KCNH8: variants seen among roughly 807,000 people sequenced by gnomAD.
The protein encoded by KCNH8 is potassium voltage-gated channel subfamily H member 8.
In KCNH8, 70 loss-of-function variants were observed where a neutral mutation model predicts 103.6. That is an observed-to-expected ratio of 0.68 (90% confidence interval 0.56 to 0.82). KCNH8 has a LOEUF of 0.82. KCNH8 is among the 40% of genes least tolerant of loss of function. KCNH8 has a pLI of 0.00. For synonymous variants in KCNH8, 498 were observed against 489.4 expected (o/e 1.02, Z -0.23); for missense variants, 1,217 against 1,329.9 (o/e 0.92, Z 1.32).
At chr3:19,356,499 G>A (rs2125326268) in intron 5 of KCNH8, among the ~76,000 whole-genome samples, 1 of 152,088 alleles carries the variant, frequency 6.6e-6, no homozygotes, top group African/African-American at 2.4e-5. Context: ...AAATTCTTTT[G>A]TAAGCCACAT....
At chr3:19,438,102 C>A in intron 7 of KCNH8, 62 bp from the exon 8 acceptor site, 2 of 1,254,132 alleles carry the variant, frequency 1.6e-6, no homozygotes, top group South Asian at 1.2e-5. Flanking sequence ...TCATTACTCC[C>A]ATGTGTTAAT....
intron 1 of KCNH8, among the ~76,000 whole-genome samples, chr3:19,237,684 G>A (rs1427325606): frequency 6.6e-6 from 1 of 152,096 alleles, no homozygotes; most frequent in Non-Finnish European, 1.5e-5. Flanking sequence ...AGTGAAAATA[G>A]CAAGACTGAG....
chr3:19,497,778 G>C (rs1258170624), intron 11 of KCNH8, among the ~76,000 whole-genome samples: 1 of 152,050 alleles, frequency 6.6e-6, no homozygotes, highest in Admixed American at 6.6e-5. Flanking sequence ...ATTGAATTCA[G>C]GTCTTCAATA....
chr3:19,326,003 C>T (rs1055008261), intron 3 of KCNH8, among the ~76,000 whole-genome samples: 1 of 152,022 alleles, frequency 6.6e-6, no homozygotes, highest in Non-Finnish European at 1.5e-5. Flanking sequence ...ACTATGCACC[C>T]ATAAAAAAGA....
intron 11 of KCNH8, among the ~76,000 whole-genome samples, chr3:19,499,181 A>G (rs1306892766): frequency 6.6e-6 from 1 of 152,232 alleles, no homozygotes; most frequent in Admixed American, 6.5e-5. Flanking sequence ...ACTGGAAGAA[A>G]GGGTATCAGC....
At chr3:19,372,800 TA>T (rs1258863919) in intron 5 of KCNH8, among the ~76,000 whole-genome samples, 4 of 152,182 alleles carry the variant, frequency 2.6e-5, no homozygotes, top group Non-Finnish European at 4.4e-5. Flanking sequence ...ATACCGAATT[TA>T]TTGAGAGTTT....
At chr3:19,352,728 A>G (rs891179097) in intron 5 of KCNH8, among the ~76,000 whole-genome samples, 17 of 152,342 alleles carry the variant, frequency 1.1e-4, no homozygotes, top group African/African-American at 4.1e-4. Flanking sequence ...GGACACATTT[A>G]AAGCAGTGTG....
intron 8 of KCNH8, among the ~76,000 whole-genome samples, chr3:19,443,602 G>C (rs1419592394): frequency 6.6e-6 from 1 of 151,422 alleles, no homozygotes; most frequent in Non-Finnish European, 1.5e-5. Context: ...AGCAAAAATA[G>C]TTTCTAAAAA....
Position 19,513,258 on chromosome 3 carries a change from A to G in KCNH8, c.2368A>G (p.Lys790Glu). ...TGACCCCCCCAACCATAATAAAAGG[A>G]AAGAGAAGAACTTGAAATTGCAACT... is the stretch of plus-strand genomic sequence containing the variant. ...EIDPPNHNKR[K>E]EKNLKLQLST... The change falls in exon 13 of 16, where the codon AAA (lysine) becomes GAA (glutamate). Residue 790 changes from lysine (K) to glutamate (E), a missense_variant. Coordinates refer to ENST00000328405, the MANE Select transcript of KCNH8 (RefSeq NM_144633.3). The G allele has an allele frequency of 6.2e-7, 1 of 1,613,330 alleles. No individual in the cohort carries two copies. The highest frequency in any genetic ancestry group is 1.1e-5 in the South Asian group (1 of 90,992).
chr3:19,170,697 TATATATACACATATATACACACAC>T (rs2063336052), intron 1 of KCNH8, among the ~76,000 whole-genome samples: 1 of 144,956 alleles, frequency 6.9e-6, no homozygotes, highest in Non-Finnish European at 1.5e-5. Flanking sequence ...TATACACACA[TATATATACACATATATACACACAC>T]ATATATACAC....
intron 1 of KCNH8, among the ~76,000 whole-genome samples, chr3:19,238,541 T>A (rs1201453578): frequency 6.6e-6 from 1 of 152,202 alleles, no homozygotes; most frequent in Non-Finnish European, 1.5e-5. Context: ...TTTTTATGAT[T>A]TAATAACCGC....
At position 19,521,938 on chromosome 3, in the gene KCNH8, T is replaced by C. The variant is rs116700152; in HGVS notation, c.2619+3864T>C. Among the ~76,000 whole-genome samples the C allele has an allele frequency of 3.0e-3, 449 of 152,052 alleles. 4 individuals carry two copies. Among genetic ancestry groups the C allele is most frequent in the African/African-American group, 9.8e-3 (408 of 41,528 alleles). ...CCAGATGGAAAATAACCTGCCAAGC[T>C]TAACAGAAAGGTAAGCATAACCATA... is the stretch of plus-strand genomic sequence containing the variant. On this transcript the variant is annotated intron_variant, in intron 15 of 15. Coordinates refer to ENST00000328405, the MANE Select transcript of KCNH8 (RefSeq NM_144633.3).
At chr3:19,508,693 G>T (rs1179871920) in intron 11 of KCNH8, among the ~76,000 whole-genome samples, 2 of 152,138 alleles carry the variant, frequency 1.3e-5, no homozygotes, top group Non-Finnish European at 2.9e-5. Context: ...TATTACCTGG[G>T]AGCTAACTAG....
chr3:19,313,877 G>A (rs544382218), intron 3 of KCNH8, among the ~76,000 whole-genome samples: 13 of 151,956 alleles, frequency 8.6e-5, no homozygotes, highest in Admixed American at 6.6e-4. Context: ...GTGGGAATTT[G>A]CATTTCAATG....
chr3:19,256,172 A>T (rs921056327), intron 2 of KCNH8, among the ~76,000 whole-genome samples: 1 of 152,102 alleles, frequency 6.6e-6, no homozygotes, highest in African/African-American at 2.4e-5. Flanking sequence ...AGGTATTGAG[A>T]TCAATGTCAA....
In KCNH8 at chr3:19,362,000, G is replaced by A. The variant is rs551167753; in HGVS notation, c.811+14035G>A. ...ACCCTGAATGTTTCATTTGTAAATG[G>A]GCAAAGAAGTAGCATTATTGTGAGA... is the stretch of plus-strand genomic sequence containing the variant. On this transcript the variant is annotated intron_variant, in intron 5 of 15. Transcript: ENST00000328405. Among the ~76,000 whole-genome samples, 56 of 152,130 alleles carry A rather than the reference G, an allele frequency of 3.7e-4. No homozygotes were observed. The East Asian group carries it at 0.011, about 29-fold the overall frequency.
At chr3:19,339,093 G>A (rs887419188) in intron 3 of KCNH8, among the ~76,000 whole-genome samples, 1 of 151,938 alleles carries the variant, frequency 6.6e-6, no homozygotes, top group African/African-American at 2.4e-5. Context: ...CTTGCATGAG[G>A]GTTCAATTGT....
chr3:19,451,781 T>C (rs1481276286), intron 10 of KCNH8, among the ~76,000 whole-genome samples: 2 of 152,162 alleles, frequency 1.3e-5, no homozygotes, highest in African/African-American at 2.4e-5. Context: ...TTTATTTTTG[T>C]GGAAAATTAA....
At chr3:19,227,118 A>G (rs1425612581) in intron 1 of KCNH8, among the ~76,000 whole-genome samples, 3 of 152,224 alleles carry the variant, frequency 2.0e-5, no homozygotes, top group Non-Finnish European at 4.4e-5. Flanking sequence ...GTTACTCTCT[A>G]GAGCCAACAT....
Sources: allele counts gnomAD v4.1 joint callset (sites outside exome capture counted in the v4.1 genomes callset), GRCh38; gene constraint gnomAD v4.1.1; transcripts MANE v1.5; gene names NCBI Gene and HGNC (gene_info 2026-07-23, HGNC 2026-07-21).